CNTNAP5: variants seen among roughly 807,000 people sequenced by gnomAD.
CNTNAP5 encodes contactin-associated protein-like 5.
A neutral mutation model predicts 150.2 loss-of-function variants in CNTNAP5; 72 were observed. The observed-to-expected ratio is 0.48, with a 90% CI of 0.40 to 0.58. The LOEUF (loss-of-function observed/expected upper bound fraction) is 0.58, where lower values mean the gene tolerates loss of function less well. Ranked by LOEUF, CNTNAP5 falls within the 20% of genes least tolerant of loss-of-function variation. The pLI is 0.00. For missense variants in CNTNAP5, 1,636 were observed against 1,626.2 expected (o/e 1.01, Z -0.10); for synonymous variants, 672 against 619.8 (o/e 1.08, Z -1.25).
chr2:124,576,700 C>T (rs569659732), intron 11 of CNTNAP5, among the ~76,000 whole-genome samples: 44 of 152,292 alleles, frequency 2.9e-4, no homozygotes, highest in African/African-American at 8.2e-4. Flanking sequence ...CAGGCTCTAA[C>T]AATTACTAAT....
chr2:124,170,259 T>G (rs1254051037), intron 1 of CNTNAP5, among the ~76,000 whole-genome samples: 2 of 27,120 alleles, frequency 7.4e-5, no homozygotes, highest in Non-Finnish European at 1.3e-4. Context: ...TATGTTTTTG[T>G]TTTTGTTTTT....
chr2:124,757,170 A>G (rs1376569901), intron 14 of CNTNAP5, among the ~76,000 whole-genome samples: 1 of 152,174 alleles, frequency 6.6e-6, no homozygotes, highest in Non-Finnish European at 1.5e-5. Context: ...GTGTAAATAA[A>G]CCAAGAGATT....
At chr2:124,115,587 A>G (rs1573764423) in intron 1 of CNTNAP5, among the ~76,000 whole-genome samples, 1 of 152,060 alleles carries the variant, frequency 6.6e-6, no homozygotes, top group East Asian at 1.9e-4. Context: ...ACACGATGAA[A>G]CTAGGATTTC....
chr2:124,304,546 T>C (rs904382177), intron 3 of CNTNAP5, among the ~76,000 whole-genome samples: 1 of 151,960 alleles, frequency 6.6e-6, no homozygotes, highest in African/African-American at 2.4e-5. Flanking sequence ...CTGAAAGCAC[T>C]AGACAGCTGT....
chr2:124,894,989 A>G (rs1179378084), intron 21 of CNTNAP5, among the ~76,000 whole-genome samples: 1 of 151,546 alleles, frequency 6.6e-6, no homozygotes, highest in Non-Finnish European at 1.5e-5. Context: ...TCACTGTCTT[A>G]CATCCATCCA....
chr2:124,833,757 G>T (rs1197169905), intron 19 of CNTNAP5, among the ~76,000 whole-genome samples: 1 of 121,666 alleles, frequency 8.2e-6, no homozygotes, highest in Admixed American at 8.3e-5. Flanking sequence ...TCTGGTTTTA[G>T]ATTACAGAGG....
chr2:124,478,742 G>A (rs1470555071), intron 7 of CNTNAP5, among the ~76,000 whole-genome samples: 1 of 152,130 alleles, frequency 6.6e-6, no homozygotes. Flanking sequence ...TGGAAGGAAT[G>A]ATATTTTTGT....
intron 4 of CNTNAP5, among the ~76,000 whole-genome samples, chr2:124,432,085 A>G (rs1459269305): frequency 6.6e-6 from 1 of 152,172 alleles, no homozygotes; most frequent in Non-Finnish European, 1.5e-5. Flanking sequence ...GATGTATATA[A>G]TTTGTGGATG....
chr2:124,486,641 C>T lies in CNTNAP5; in HGVS notation c.1062+11759C>T, dbSNP rs564730160. On this transcript the variant is annotated intron_variant, in intron 7 of 23. Transcript: ENST00000682447. ...AAACAAGGAGACATACACATATTCACGGTTTCATATGTCACCTGATCACAG... is the reference window on the plus strand; with the variant it reads ...AAACAAGGAGACATACACATATTCATGGTTTCATATGTCACCTGATCACAG... Among the ~76,000 whole-genome samples, 15 of 152,280 alleles carry T rather than the reference C, an allele frequency of 9.9e-5. No individual in the cohort carries two copies. In the South Asian group the frequency reaches 1.4e-3, roughly 15 times the overall value.
At chr2:124,463,911 G>T (rs1252827097) in intron 6 of CNTNAP5, among the ~76,000 whole-genome samples, 6 of 152,090 alleles carry the variant, frequency 3.9e-5, no homozygotes, top group Non-Finnish European at 7.4e-5. Flanking sequence ...TCTCAGTCAA[G>T]CTGCTAAACC....
intron 21 of CNTNAP5, among the ~76,000 whole-genome samples, chr2:124,883,532 A>G (rs1019348621): frequency 6.6e-6 from 1 of 152,076 alleles, no homozygotes; most frequent in African/African-American, 2.4e-5. Context: ...AGAGTTTAAT[A>G]TGGAATTTCC....
rs1017313448 is a variant in CNTNAP5, at chr2:124,915,998, C to T, written c.*1710C>T. ...CCATCCTTGACAGTTAGCAGACATTCCAACTTGTGCTTAGGGTACACTGTC... is the reference window on the plus strand; with the variant it reads ...CCATCCTTGACAGTTAGCAGACATTTCAACTTGTGCTTAGGGTACACTGTC... On this transcript the variant is annotated 3_prime_UTR_variant, in exon 24 of 24. Transcript: ENST00000682447. 1.7e-4 allele frequency among the ~76,000 whole-genome samples: 26 copies of T among 152,052 alleles called. No homozygotes were observed. Among genetic ancestry groups the T allele is most frequent in the African/African-American group, 6.3e-4 (26 of 41,442 alleles).
chr2:124,578,521 C>T (rs539046604), intron 11 of CNTNAP5, among the ~76,000 whole-genome samples: 4 of 152,134 alleles, frequency 2.6e-5, no homozygotes, highest in East Asian at 1.9e-4. Flanking sequence ...GAGACAGCAT[C>T]CCTACTTCAG....
At position 124,168,339 on chromosome 2, in the gene CNTNAP5, G is replaced by C. The variant is rs75674892; in HGVS notation, c.83-53366G>C. Among the ~76,000 whole-genome samples, 1,208 of 152,278 alleles carry C rather than the reference G, an allele frequency of 7.9e-3. 17 individuals are homozygous for C. Among genetic ancestry groups the C allele is most frequent in the African/African-American group, 0.027 (1,109 of 41,556 alleles). ...GGACTGTTAGAGAGCAGAAGGTAAA[G>C]CTTTATCGTGCTAATGCATATTTTT... On this transcript the variant is annotated intron_variant, in intron 1 of 23. Transcript: ENST00000682447.
In CNTNAP5 at chr2:124,483,192, C is replaced by T. The variant is rs1449007406; in HGVS notation, c.1062+8310C>T. Reference sequence around the variant, plus strand: ...ACCAGAGTAATGCTCAAAATATTCACCAGGTTCTCAGAGGTAAAGCAGGGT... The same window carrying T: ...ACCAGAGTAATGCTCAAAATATTCATCAGGTTCTCAGAGGTAAAGCAGGGT... On this transcript the variant is annotated intron_variant, in intron 7 of 23. Transcript: ENST00000682447. Among the ~76,000 whole-genome samples, 2 of 152,162 alleles carry T rather than the reference C, an allele frequency of 1.3e-5. 1 individual carries two copies. Among genetic ancestry groups the T allele is most frequent in the Middle Eastern group, 6.3e-3 (2 of 316 alleles).
rs1692013278 is a variant in CNTNAP5 at position 124,419,152 on chromosome 2, A to AAACAAAAAAAAAC, written c.529+1564_529+1565insCAAAAAAAAACAA. Among the ~76,000 whole-genome samples, 9 of 120,998 alleles carry AAACAAAAAAAAAC rather than the reference A, an allele frequency of 7.4e-5. 1 individual carries two copies. Among genetic ancestry groups the AAACAAAAAAAAAC allele is most frequent in the Admixed American group, 3.4e-4 (4 of 11,676 alleles). 79.4% of individuals were successfully genotyped at this position (120,998 alleles called of 152,430 possible). A position where few individuals can be genotyped will look rare whatever the true frequency, so the allele number is the denominator to read the frequency against. ...CGAGACTCCTTCTCAAAAAAAAAAA[A>AAACAAAAAAAAAC]AAAAAAAAAAACAGTATGAAGCTTT... On this transcript the variant is annotated intron_variant, in intron 4 of 23. Coordinates refer to ENST00000682447, the MANE Select transcript of CNTNAP5 (RefSeq NM_001367498.1).
At chr2:124,672,900 T>C (rs917083681) in intron 13 of CNTNAP5, among the ~76,000 whole-genome samples, 4 of 151,994 alleles carry the variant, frequency 2.6e-5, no homozygotes, top group African/African-American at 7.2e-5. Context: ...ACTTAAGAGA[T>C]AATTAGAAGT....
chr2:124,413,132 G>T (rs1691819403), intron 3 of CNTNAP5, among the ~76,000 whole-genome samples: 1 of 125,722 alleles, frequency 8.0e-6, no homozygotes, highest in Non-Finnish European at 1.8e-5. Flanking sequence ...ATGAAAAAAT[G>T]CTCATCATCA....
chr2:124,564,182 C>T (rs1573461787), intron 11 of CNTNAP5, among the ~76,000 whole-genome samples: 2 of 152,194 alleles, frequency 1.3e-5, no homozygotes, highest in East Asian at 3.9e-4. Context: ...GGGTCCTCTG[C>T]TCTGTGGAAA....
Sources: allele counts gnomAD v4.1 joint callset (sites outside exome capture counted in the v4.1 genomes callset), GRCh38; gene constraint gnomAD v4.1.1; transcripts MANE v1.5; gene names NCBI Gene and HGNC (gene_info 2026-07-23, HGNC 2026-07-21).